The following DOCK2 variants were observed in gnomAD, a reference collection of about 807,000 sequenced individuals.
DOCK2 encodes dedicator of cytokinesis protein 2.
Under a neutral mutation model 248.9 loss-of-function variants are expected in DOCK2, and 87 were observed. The observed-to-expected ratio is 0.35, with a 90% CI of 0.29 to 0.42. The LOEUF is 0.42. Among genes scored for constraint, DOCK2 ranks in the 10% least tolerant of loss-of-function variants. The pLI, the probability that DOCK2 is intolerant of heterozygous loss-of-function variation, is 1.00. For synonymous variants in DOCK2, 805 were observed against 821.6 expected, an observed-to-expected ratio of 0.98 and a Z score of 0.35; for missense variants, 1,747 against 2,300.2, an observed-to-expected ratio of 0.76 and a Z score of 4.92.
At chr5:169,738,998 T>A (rs2113657438) in intron 22 of DOCK2, among the ~76,000 whole-genome samples, 1 of 152,316 alleles carries the variant, frequency 6.6e-6, no homozygotes, top group South Asian at 2.1e-4. Flanking sequence ...TCCTTGGGTG[T>A]TCCCAAATTT....
At chr5:170,078,558 C>A (rs1757920488) in intron 48 of DOCK2, among the ~76,000 whole-genome samples, 1 of 152,198 alleles carries the variant, frequency 6.6e-6, no homozygotes, top group Non-Finnish European at 1.5e-5. Flanking sequence ...CATGGCCACT[C>A]TGCAAGGTCT....
chr5:169,642,590 G>C (rs1175120867), intron 1 of DOCK2, among the ~76,000 whole-genome samples: 1 of 152,162 alleles, frequency 6.6e-6, no homozygotes, highest in African/African-American at 2.4e-5. Context: ...AATTAGTCTG[G>C]TGAAACAAAA....
At chr5:170,074,489 C>T (rs963863738) in intron 46 of DOCK2, among the ~76,000 whole-genome samples, 3 of 152,246 alleles carry the variant, frequency 2.0e-5, no homozygotes, top group African/African-American at 7.2e-5. Context: ...ACGGAATGAC[C>T]CACAGACGTC....
chr5:169,985,879 G>A lies in DOCK2; in HGVS notation c.2950G>A (p.Val984Met), dbSNP rs768478391. ...GTTCAAGGACCTCATTGGAAAGAAC[G>A]TGTACCCTGGAGACTGGATGGCCAT... is the stretch of plus-strand genomic sequence containing the variant. ...IMFKDLIGKN[V>M]YPGDWMAMSM... Residue 984 changes from valine to methionine, a missense_variant, in exon 29 of 52, where the codon GTG becomes ATG. Coordinates refer to ENST00000520908, the MANE Select transcript of DOCK2 (RefSeq NM_004946.3). The A allele has an allele frequency of 1.6e-5, 26 of 1,610,682 alleles. No homozygotes were observed. The highest frequency in any genetic ancestry group is 8.4e-5 in the Admixed American group (5 of 59,846).
At chr5:170,018,563 C>T (rs1755613979) in intron 32 of DOCK2, among the ~76,000 whole-genome samples, 1 of 152,142 alleles carries the variant, frequency 6.6e-6, no homozygotes, top group Non-Finnish European at 1.5e-5. Context: ...TGGTAAAATC[C>T]CATTTAAAAA....
chr5:170,056,727 C>A lies in DOCK2; in HGVS notation c.4339C>A (p.Pro1447Thr). Reference protein sequence around the residue: ...NYVQRFHYSRPVRRGTVDPEN... With the variant: ...NYVQRFHYSRTVRRGTVDPEN... ...CGTGCAAAGGTTCCACTACTCCCGGCCCGTGCGCAGGGGGACCGTAGACCC... is the reference window on the plus strand; with the variant it reads ...CGTGCAAAGGTTCCACTACTCCCGGACCGTGCGCAGGGGGACCGTAGACCC... The change falls in exon 43 of 52, where the codon CCC becomes ACC. Residue 1447 changes from proline (P) to threonine (T), a missense_variant. Around this residue, in one of 4 missense-constraint regions of DOCK2, gnomAD observed 513 missense variants for 586.1 expected, o/e 0.88. Transcript: ENST00000520908. The A allele has an allele frequency of 6.2e-7, 1 of 1,614,090 alleles. No individual in the cohort carries two copies. Among genetic ancestry groups the A allele is most frequent in the Non-Finnish European group, 8.5e-7 (1 of 1,179,970 alleles).
chr5:169,681,543 G>T (rs868027508), intron 6 of DOCK2, among the ~76,000 whole-genome samples: 1 of 151,684 alleles, frequency 6.6e-6, no homozygotes, highest in Non-Finnish European at 1.5e-5. Flanking sequence ...AAAATTGAAT[G>T]CACACTACTA....
rs770543129 is a variant in DOCK2 at position 169,700,103 on chromosome 5, G to A, written c.1222G>A (p.Ala408Thr). The A allele has an allele frequency of 1.2e-6, 2 of 1,613,984 alleles. No individual in the cohort carries two copies. Residue 408 changes from alanine (A) to threonine (T), a missense_variant, in exon 13 of 52, where the codon GCC becomes ACC. By Grantham distance (58) the Ala-to-Thr change is moderately conservative. Transcript: ENST00000520908. ...CCTGGTGGACAGGACCACCGTGGTG[G>A]CCAGGAAGCTGGGATTCCCAGAGAT... ...PHLVDRTTVV[A>T]RKLGFPEIIM... is the part of the protein sequence containing the mutation.
At chr5:169,717,804 G>A (rs1157879201) in intron 21 of DOCK2, among the ~76,000 whole-genome samples, 1 of 152,208 alleles carries the variant, frequency 6.6e-6, no homozygotes, top group East Asian at 1.9e-4. Context: ...GCTCACGCCT[G>A]TAATCCCAGG....
chr5:169,908,478 A>G (rs1042783510), intron 27 of DOCK2, among the ~76,000 whole-genome samples: 7 of 152,118 alleles, frequency 4.6e-5, no homozygotes, highest in African/African-American at 1.7e-4. Context: ...AAGTTATGAG[A>G]TGGGCAAGGA....
At chr5:169,640,068 C>T (rs996810069) in intron 1 of DOCK2, among the ~76,000 whole-genome samples, 1 of 152,236 alleles carries the variant, frequency 6.6e-6, no homozygotes, top group Non-Finnish European at 1.5e-5. Flanking sequence ...TTCCTCCTGT[C>T]ATGAGAACAC....
intron 22 of DOCK2, among the ~76,000 whole-genome samples, chr5:169,732,717 A>G (rs1389837520): frequency 6.6e-6 from 1 of 152,176 alleles, no homozygotes; most frequent in Non-Finnish European, 1.5e-5. Flanking sequence ...CTTTACTGCT[A>G]ACCTCCTACT....
At chr5:170,049,759 A>C (rs968124788) in intron 40 of DOCK2, among the ~76,000 whole-genome samples, 6 of 152,280 alleles carry the variant, frequency 3.9e-5, no homozygotes, top group Non-Finnish European at 7.4e-5. Context: ...GGACAACATC[A>C]CCTTTAGTTG....
At chr5:169,796,460 A>G (rs1766661815) in intron 25 of DOCK2, among the ~76,000 whole-genome samples, 1 of 152,132 alleles carries the variant, frequency 6.6e-6, no homozygotes, top group South Asian at 2.1e-4. Flanking sequence ...GGGTGAGTGC[A>G]TGTGGATTGG....
chr5:169,934,615 A>G, intron 27 of DOCK2: 1 of 456,042 alleles, frequency 2.2e-6, no homozygotes, highest in Non-Finnish European at 4.4e-6. Context: ...TGGGCAAGAT[A>G]CTTCCCCTTG....
rs1332990743 is a variant in DOCK2 at position 170,079,286 on chromosome 5, T to C, written c.5166+140T>C. ...CTATGGGTATTGCAGAGGCGGCACC[T>C]GAGGAGCTGAGAGGTGAAGTGCTTA... On this transcript the variant is annotated intron_variant, in intron 49 of 51. Transcript: ENST00000520908. 30 of 1,190,276 alleles carry C rather than the reference T, an allele frequency of 2.5e-5. No homozygotes were observed. The South Asian group carries it at 4.2e-4, about 17-fold the overall frequency. The allele number at this position is 1,190,276 out of a possible 1,614,324, so 73.7% of individuals were successfully genotyped here. A position where few individuals can be genotyped will look rare whatever the true frequency, so the allele number is the denominator to read the frequency against.
At chr5:169,656,372 G>A (rs1188202976) in intron 2 of DOCK2, among the ~76,000 whole-genome samples, 1 of 151,142 alleles carries the variant, frequency 6.6e-6, no homozygotes, top group Non-Finnish European at 1.5e-5. Flanking sequence ...CTCCCAAGCT[G>A]GAGTGCAGTG....
chr5:169,790,664 T>A (rs924070533), intron 25 of DOCK2, among the ~76,000 whole-genome samples: 1 of 152,242 alleles, frequency 6.6e-6, no homozygotes, highest in Non-Finnish European at 1.5e-5. Context: ...TAACATGCTC[T>A]CCTTTGGACT....
chr5:169,837,994 GA>G (rs33937613), intron 26 of DOCK2, among the ~76,000 whole-genome samples: 70,324 of 151,586 alleles, frequency 0.46, 17,087 homozygotes, highest in African/African-American at 0.62. Context: ...TGTAATCCTG[GA>G]AAAAAAATAG....
Sources: allele counts gnomAD v4.1 joint callset (sites outside exome capture counted in the v4.1 genomes callset), GRCh38; gene constraint gnomAD v4.1.1; regional missense constraint gnomAD v4.1.1; transcripts MANE v1.5; gene names NCBI Gene and HGNC (gene_info 2026-07-23, HGNC 2026-07-21).